Variants in CDK14 observed in about 807,000 individuals in gnomAD.
CDK14 encodes the protein cyclin dependent kinase 14.
In CDK14, 34 loss-of-function variants were observed where a neutral mutation model predicts 60.7. The ratio of observed to expected loss-of-function variants is 0.56; its 90% CI spans 0.43 to 0.75. The LOEUF (loss-of-function observed/expected upper bound fraction) is 0.75. Among genes scored for constraint, CDK14 ranks in the 30% least tolerant of loss-of-function variants. The pLI is 0.00. For synonymous variants in CDK14, 197 were observed against 203.7 expected (o/e 0.97, Z 0.28); for missense variants, 482 against 564.1 (o/e 0.85, Z 1.47).
intron 8 of CDK14, among the ~76,000 whole-genome samples, chr7:90,928,456 C>A (rs1793491090): frequency 6.6e-6 from 1 of 152,196 alleles, no homozygotes; most frequent in South Asian, 2.1e-4. Flanking sequence ...GGACCCTCAG[C>A]TGCAGGTCTG....
rs371841092 is a variant in CDK14, at chr7:90,883,033, C to G, written c.640-16258C>G. Among the ~76,000 whole-genome samples the G allele has an allele frequency of 3.3e-5, 5 of 151,598 alleles. No individual in the cohort carries two copies. In the East Asian group the frequency reaches 7.8e-4, roughly 24 times the overall value. On this transcript the variant is annotated intron_variant, in intron 6 of 14. Coordinates refer to ENST00000380050, the MANE Select transcript of CDK14 (RefSeq NM_001287135.2). ...CACCCTAACATCACAATTAAAAGAG[C>G]TAGAGAGGCAATAGCAAATGAATCC...
intron 8 of CDK14, among the ~76,000 whole-genome samples, chr7:90,943,325 A>G (rs1181511996): frequency 2.0e-5 from 3 of 152,220 alleles, no homozygotes; most frequent in East Asian, 1.9e-4. Flanking sequence ...CTTAGGGAGT[A>G]TATTTTGTAT....
intron 9 of CDK14, among the ~76,000 whole-genome samples, chr7:90,956,835 A>G (rs572532514): frequency 3.0e-4 from 45 of 147,592 alleles, no homozygotes; most frequent in Admixed American, 1.6e-3. Flanking sequence ...TCATTGTTCA[A>G]TTCCCACCTA....
intron 10 of CDK14, among the ~76,000 whole-genome samples, chr7:91,006,681 A>C (rs1466241746): frequency 6.6e-6 from 1 of 152,240 alleles, no homozygotes; most frequent in Non-Finnish European, 1.5e-5. Flanking sequence ...CCTGTCTGGT[A>C]ATGTTTATTA....
chr7:91,007,177 C>T (rs539333189), intron 10 of CDK14, among the ~76,000 whole-genome samples: 5 of 152,302 alleles, frequency 3.3e-5, no homozygotes, highest in African/African-American at 9.6e-5. Context: ...TCCCATCCCA[C>T]CTTAGTGCCA....
chr7:90,645,113 A>G lies in CDK14; in HGVS notation c.123+40864A>G, dbSNP rs117197530. Among the ~76,000 whole-genome samples the G allele has an allele frequency of 6.2e-3, 938 of 152,316 alleles. 8 individuals are homozygous for G. Among genetic ancestry groups the G allele is most frequent in the South Asian group, 0.014 (67 of 4,828 alleles). ...TCCAGTCTCATGGAATTTACATTGT[A>G]TAGAGATGTGGAGATTAAGGGTTAC... On this transcript the variant is annotated intron_variant, in intron 2 of 14. Transcript: ENST00000380050.
intron 11 of CDK14, among the ~76,000 whole-genome samples, chr7:91,055,474 GA>G (rs1285946778): frequency 4.0e-5 from 6 of 151,826 alleles, no homozygotes; most frequent in Admixed American, 6.6e-5. Flanking sequence ...GAAAATGCCA[GA>G]AAAAAAAGTA....
rs140858846 is a variant in CDK14 at position 90,792,827 on chromosome 7, C to G, written c.544+2175C>G. Among the ~76,000 whole-genome samples, 176 of 133,654 alleles carry G rather than the reference C, an allele frequency of 1.3e-3. 1 individual carries two copies. The East Asian group carries it at 0.047, about 36-fold the overall frequency. 87.7% of individuals were successfully genotyped at this position (133,654 alleles called of 152,430 possible). A position where few individuals can be genotyped will look rare whatever the true frequency, so the allele number is the denominator to read the frequency against. ...TCAATCCCCTTATTTAAAATTGCTT[C>G]AAGTCCTATATGACTGATTTTCTTC... On this transcript the variant is annotated intron_variant, in intron 5 of 14. Coordinates refer to ENST00000380050, the MANE Select transcript of CDK14 (RefSeq NM_001287135.2).
chr7:90,710,250 T>G, intron 2 of CDK14: 3 of 985,322 alleles, frequency 3.0e-6, no homozygotes, highest in Non-Finnish European at 3.6e-6. Flanking sequence ...GTTTAACGAC[T>G]GCTTCTTTGC....
intron 5 of CDK14, among the ~76,000 whole-genome samples, chr7:90,816,316 T>C (rs1466039596): frequency 6.6e-6 from 1 of 152,170 alleles, no homozygotes; most frequent in Non-Finnish European, 1.5e-5. Context: ...GAATTAAATA[T>C]CTTGCTAGTA....
At chr7:90,866,233 TACACACACAC>T (rs3038210) in intron 6 of CDK14, among the ~76,000 whole-genome samples, 19 of 140,374 alleles carry the variant, frequency 1.4e-4, no homozygotes, top group South Asian at 1.2e-3. Context: ...CACATACACA[TACACACACAC>T]ACACACACAC....
At chr7:90,984,332 T>A in intron 10 of CDK14, 91 bp downstream of exon 10, 1 of 825,552 alleles carries the variant, frequency 1.2e-6, no homozygotes, top group Non-Finnish European at 2.0e-6. Flanking sequence ...AAAAATAATT[T>A]AAAACAAAAT....
chr7:90,805,911 G>A (rs2106277), intron 5 of CDK14, among the ~76,000 whole-genome samples: 139,007 of 152,238 alleles, frequency 0.91, 63,593 homozygotes, highest in East Asian at 1. Flanking sequence ...AAAGCTACAG[G>A]GATCAAGACA....
intron 5 of CDK14, among the ~76,000 whole-genome samples, chr7:90,802,747 A>G (rs1788690110): frequency 6.6e-6 from 1 of 152,238 alleles, no homozygotes; most frequent in African/African-American, 2.4e-5. Flanking sequence ...GAAGCAATCA[A>G]GGAATAATGA....
At position 91,155,413 on chromosome 7, in the gene CDK14, T is replaced by C. The variant is rs531664475; in HGVS notation, c.*28+37205T>C. Among the ~76,000 whole-genome samples the C allele has an allele frequency of 8.5e-5, 13 of 152,372 alleles. No homozygotes were observed. The South Asian group carries it at 2.7e-3, about 32-fold the overall frequency. ...TTCTTTGTGTATTTCATGATGGTTC[T>C]TTTGTTCATTTTTTTCCTAGCTTCT... is the stretch of plus-strand genomic sequence containing the variant. On this transcript the variant is annotated intron_variant, in intron 14 of 14. Transcript: ENST00000380050.
rs567429391 is a variant in CDK14, at chr7:90,775,824, TTTG to T, written c.465-14746_465-14744del. Among the ~76,000 whole-genome samples the T allele has an allele frequency of 9.3e-5, 14 of 150,616 alleles. No homozygotes were observed. The South Asian group carries it at 2.8e-3, about 30-fold the overall frequency. ...CTTCCCCTTTTCTTCCTTCTTAGTTTTTGTTATTTGGTGTTTGTTTGCCTTCAC... is the reference window on the plus strand; with the variant it reads ...CTTCCCCTTTTCTTCCTTCTTAGTTTTTATTTGGTGTTTGTTTGCCTTCAC... On this transcript the variant is annotated intron_variant, in intron 4 of 14. Transcript: ENST00000380050.
chr7:90,728,235 A>G (rs1038330825), intron 3 of CDK14, among the ~76,000 whole-genome samples: 3 of 151,910 alleles, frequency 2.0e-5, no homozygotes, highest in African/African-American at 7.2e-5. Flanking sequence ...CTTGGTATCA[A>G]TGGGTGTTTT....
intron 10 of CDK14, among the ~76,000 whole-genome samples, chr7:91,018,201 G>A (rs763493931): frequency 6.6e-6 from 1 of 152,140 alleles, no homozygotes; most frequent in African/African-American, 2.4e-5. Flanking sequence ...TAGGCCTTTG[G>A]GTGTGAGCTC....
At chr7:90,885,507 C>T (rs922903350) in intron 6 of CDK14, among the ~76,000 whole-genome samples, 1 of 152,116 alleles carries the variant, frequency 6.6e-6, no homozygotes, top group Non-Finnish European at 1.5e-5. Context: ...GACAGTGTGG[C>T]GATTTCTCAG....
Sources: gnomAD v4.1 joint callset for allele counts (sites outside exome capture counted in the v4.1 genomes callset) on GRCh38, gnomAD v4.1.1 for gene constraint, MANE v1.5 for transcripts, NCBI Gene and HGNC (gene_info 2026-07-23, HGNC 2026-07-21) for gene names.